The following TOX variants were observed in gnomAD, a reference collection of about 807,000 sequenced individuals.
TOX encodes thymocyte selection-associated high mobility group box protein TOX.
In TOX, 11 loss-of-function variants were observed where a neutral mutation model predicts 53.7. The observed-to-expected ratio is 0.20, with a 90% CI of 0.13 to 0.34. The LOEUF is 0.34. Among genes scored for constraint, TOX ranks in the 10% least tolerant of loss-of-function variants. The pLI, the probability that TOX is intolerant of heterozygous loss-of-function variation, is 1.00. For missense variants in TOX, 570 were observed against 664.6 expected (o/e 0.86, Z 1.56); for synonymous variants, 225 against 245.3 (o/e 0.92, Z 0.77).
At chr8:58,998,499 ATATATATATATAT>A (rs1563413276) in intron 1 of TOX, among the ~76,000 whole-genome samples, 43 of 74,490 alleles carry the variant, frequency 5.8e-4, no homozygotes, top group South Asian at 9.0e-4. Flanking sequence ...AAAAGTATAT[ATATATATATATAT>A]ATATATATAT....
At chr8:58,885,294 T>C (rs1005402377) in intron 3 of TOX, among the ~76,000 whole-genome samples, 19 of 152,158 alleles carry the variant, frequency 1.2e-4, no homozygotes, top group African/African-American at 3.9e-4. Flanking sequence ...CCTTAATGTA[T>C]AGTTTTCTTT....
intron 1 of TOX, among the ~76,000 whole-genome samples, chr8:59,056,857 G>A (rs965124407): frequency 1.1e-4 from 16 of 152,134 alleles, no homozygotes; most frequent in Non-Finnish European, 1.8e-4. Flanking sequence ...AGATCTCTCC[G>A]TTTTAACTAG....
chr8:59,072,391 A>G (rs1185017443), intron 1 of TOX, among the ~76,000 whole-genome samples: 1 of 152,158 alleles, frequency 6.6e-6, no homozygotes, highest in Non-Finnish European at 1.5e-5. Flanking sequence ...CCACTGCTGG[A>G]CTCCAGTAGA....
chr8:58,975,471 T>C (rs1258441951), intron 1 of TOX, among the ~76,000 whole-genome samples: 1 of 152,174 alleles, frequency 6.6e-6, no homozygotes, highest in Non-Finnish European at 1.5e-5. Context: ...GTGGGTTTTG[T>C]TCTAGACCAT....
At chr8:58,911,547 T>A (rs1382837852) in intron 3 of TOX, among the ~76,000 whole-genome samples, 1 of 152,194 alleles carries the variant, frequency 6.6e-6, no homozygotes, top group African/African-American at 2.4e-5. Flanking sequence ...TATTCTATCT[T>A]ACATAGGTAA....
chr8:59,031,661 C>T (rs1308992701), intron 1 of TOX, among the ~76,000 whole-genome samples: 1 of 152,126 alleles, frequency 6.6e-6, no homozygotes, highest in Non-Finnish European at 1.5e-5. Flanking sequence ...TTAGACTGGG[C>T]AATCAAGGAA....
intron 3 of TOX, among the ~76,000 whole-genome samples, chr8:58,856,266 C>T (rs1810914227): frequency 2.6e-5 from 4 of 152,098 alleles, no homozygotes; most frequent in African/African-American, 9.7e-5. Flanking sequence ...TTTATACTTT[C>T]TTTATGGGAC....
intron 1 of TOX, among the ~76,000 whole-genome samples, chr8:58,981,992 A>G (rs1345517347): frequency 6.6e-6 from 1 of 152,090 alleles, no homozygotes; most frequent in Non-Finnish European, 1.5e-5. Flanking sequence ...CAAACAATCA[A>G]CCAATAGCTC....
intron 1 of TOX, among the ~76,000 whole-genome samples, chr8:59,059,355 A>T (rs1236631109): frequency 1.3e-5 from 2 of 152,342 alleles, no homozygotes; most frequent in East Asian, 1.9e-4. Flanking sequence ...CAGAATCCCC[A>T]TTCCAAGTAC....
intron 1 of TOX, among the ~76,000 whole-genome samples, chr8:58,975,661 G>A (rs1280656623): frequency 1.3e-5 from 2 of 152,184 alleles, no homozygotes; most frequent in African/African-American, 2.4e-5. Flanking sequence ...ATAATCACCT[G>A]AGCCTTCAGC....
intron 1 of TOX, among the ~76,000 whole-genome samples, chr8:59,083,943 C>G (rs1774880822): frequency 6.6e-6 from 1 of 152,064 alleles, no homozygotes; most frequent in Non-Finnish European, 1.5e-5. Flanking sequence ...GGGCAAAAGA[C>G]ACTTGTTGAC....
intron 4 of TOX, among the ~76,000 whole-genome samples, chr8:58,844,888 T>C (rs535077879): frequency 6.6e-6 from 1 of 152,248 alleles, no homozygotes; most frequent in African/African-American, 2.4e-5. Context: ...AAGACATAGA[T>C]TTATTTCTCA....
At chr8:59,067,053 C>T (rs1804105953) in intron 1 of TOX, among the ~76,000 whole-genome samples, 2 of 152,170 alleles carry the variant, frequency 1.3e-5, no homozygotes. Flanking sequence ...GAGTTACATA[C>T]CAAGTTGCAA....
At chr8:58,985,802 G>A (rs1813317730) in intron 1 of TOX, among the ~76,000 whole-genome samples, 1 of 151,988 alleles carries the variant, frequency 6.6e-6, no homozygotes, top group Non-Finnish European at 1.5e-5. Context: ...TCCATGAATT[G>A]GTTAATGGTG....
At chr8:58,808,081 G>C (rs769213355) in intron 8 of TOX, 37 bp downstream of exon 8, 1 of 1,589,556 alleles carries the variant, frequency 6.3e-7, no homozygotes, top group Middle Eastern at 1.7e-4. Context: ...TGCTATGAGC[G>C]CTGTCCACCA....
At chr8:58,967,321 T>A (rs1219300786) in intron 1 of TOX, among the ~76,000 whole-genome samples, 1 of 152,210 alleles carries the variant, frequency 6.6e-6, no homozygotes, top group Non-Finnish European at 1.5e-5. Flanking sequence ...TTAATTTTTG[T>A]AATAATCCTG....
At chr8:59,083,189 T>C (rs1246388174) in intron 1 of TOX, among the ~76,000 whole-genome samples, 1 of 152,156 alleles carries the variant, frequency 6.6e-6, no homozygotes, top group Non-Finnish European at 1.5e-5. Flanking sequence ...AAAGAGAAAG[T>C]GGAAGGAGAG....
rs1033319772 is a variant in TOX at position 59,118,025 on chromosome 8, C to A, written c.102+861G>T. Among the ~76,000 whole-genome samples, 1 of 152,132 alleles carries A rather than the reference C, an allele frequency of 6.6e-6. No individual in the cohort carries two copies. Among genetic ancestry groups the A allele is most frequent in the Non-Finnish European group, 1.5e-5 (1 of 68,018 alleles). On this transcript the variant is annotated intron_variant, in intron 1 of 8. Transcript: ENST00000361421. This position sits in a 1 kb window ranked among gnomAD's most constrained non-coding sequence, Gnocchi z 4.1. ...CCCCCTGACTGTCCTATAGGTGGAC[C>A]CAGCCGAACTCCGCAGCAGCCCAGG... is the stretch of plus-strand genomic sequence containing the variant.
At chr8:59,029,476 T>G (rs1483700767) in intron 1 of TOX, among the ~76,000 whole-genome samples, 2 of 152,140 alleles carry the variant, frequency 1.3e-5, no homozygotes, top group African/African-American at 4.8e-5. Context: ...GATAACCCAC[T>G]AATAGCACAA....
Sources: gnomAD v4.1 joint callset for allele counts (sites outside exome capture counted in the v4.1 genomes callset) on GRCh38, gnomAD v4.1.1 for gene constraint, Gnocchi (gnomAD v3.1) non-coding constraint, MANE v1.5 for transcripts, NCBI Gene and HGNC (gene_info 2026-07-23, HGNC 2026-07-21) for gene names.